FAM193A: variants seen among roughly 807,000 people sequenced by gnomAD.
The protein encoded by FAM193A is protein FAM193A.
A neutral mutation model predicts 126.5 loss-of-function variants in FAM193A; 22 were observed. The ratio of observed to expected loss-of-function variants is 0.17; its 90% CI spans 0.12 to 0.25. FAM193A has a LOEUF of 0.25. Ranked by LOEUF, FAM193A falls within the 10% of genes least tolerant of loss-of-function variation. FAM193A has a pLI of 1.00. For missense variants in FAM193A, 1,675 were observed against 1,672.8 expected (o/e 1.00, Z -0.02); for synonymous variants, 761 against 646.8 (o/e 1.18, Z -2.68).
chr4:2,631,631 G>GC (rs1743598510), intron 5 of FAM193A, among the ~76,000 whole-genome samples: 1 of 152,222 alleles, frequency 6.6e-6, no homozygotes, highest in African/African-American at 2.4e-5. Context: ...ATTCATTCAT[G>GC]CAGGCATGCA....
In FAM193A at chr4:2,629,271, G is replaced by A. The variant is rs530553811; in HGVS notation, c.804-1664G>A. 5.3e-4 allele frequency among the ~76,000 whole-genome samples: 81 copies of A among 151,896 alleles called. 1 individual carries two copies. The highest frequency in any genetic ancestry group is 1.5e-4 in the Non-Finnish European group (10 of 67,992). On this transcript the variant is annotated intron_variant, in intron 4 of 20. Transcript: ENST00000637812. ...ACATGCTAAGAGAACAGTGACGTGG[G>A]TGTCCAGTCTGCTTCTAAGTTTGGT...
At chr4:2,574,012 T>C (rs1037142232) in intron 1 of FAM193A, among the ~76,000 whole-genome samples, 4 of 152,142 alleles carry the variant, frequency 2.6e-5, no homozygotes, top group Non-Finnish European at 1.5e-5. Context: ...GGGACAAATA[T>C]GAAAGATTTT....
chr4:2,572,777 A>AT (rs533532132), intron 1 of FAM193A, among the ~76,000 whole-genome samples: 50,584 of 135,682 alleles, frequency 0.37, 10,156 homozygotes, highest in Non-Finnish European at 0.46. Context: ...CAGAGGAGGA[A>AT]TTTTTTTTTT....
chr4:2,576,732 C>T (rs1448481863), intron 1 of FAM193A, among the ~76,000 whole-genome samples: 1 of 152,216 alleles, frequency 6.6e-6, no homozygotes, highest in Non-Finnish European at 1.5e-5. Flanking sequence ...GCTTATCAGA[C>T]ACTGTTCTAA....
chr4:2,569,393 A>C (rs1442148413), intron 1 of FAM193A, among the ~76,000 whole-genome samples: 1 of 152,228 alleles, frequency 6.6e-6, no homozygotes, highest in African/African-American at 2.4e-5. Flanking sequence ...TAGCAGTAAT[A>C]CAAAAGCAGC....
chr4:2,639,613 G>T, intron 5 of FAM193A, 122 bp from the exon 6 acceptor site: 1 of 683,868 alleles, frequency 1.5e-6, no homozygotes, highest in Non-Finnish European at 2.4e-6. Flanking sequence ...CTCTGGGCCT[G>T]TGAAGAGGGA....
intron 1 of FAM193A, among the ~76,000 whole-genome samples, chr4:2,582,241 C>T (rs1169103914): frequency 6.6e-6 from 1 of 151,940 alleles, no homozygotes; most frequent in East Asian, 1.9e-4. Context: ...GCAGCTTCGA[C>T]CTCCCAGGCT....
At position 2,598,162 on chromosome 4, in the gene FAM193A, G is replaced by T. The variant is rs187861087; in HGVS notation, c.501+1833G>T. Among the ~76,000 whole-genome samples, 8 of 152,268 alleles carry T rather than the reference G, an allele frequency of 5.3e-5. No homozygotes were observed. The East Asian group carries it at 1.4e-3, about 26-fold the overall frequency. The stretch of plus-strand genomic sequence containing the variant: ...CCCGCCTCTGCCTTCCATAGTGCTG[G>T]GATTATAGGCATGAGCCACCGCGCC... On this transcript the variant is annotated intron_variant, in intron 2 of 20. Transcript: ENST00000637812.
At chr4:2,669,355 G>A (rs1053674328) in intron 12 of FAM193A, among the ~76,000 whole-genome samples, 2 of 151,926 alleles carry the variant, frequency 1.3e-5, no homozygotes, top group African/African-American at 4.8e-5. Context: ...GGTGTCTCAC[G>A]CCCAGCACTT....
chr4:2,699,531 T>G, intron 18 of FAM193A, 149 bp from the exon 19 acceptor site: 1 of 578,442 alleles, frequency 1.7e-6, no homozygotes, highest in Admixed American at 3.7e-5. Flanking sequence ...GAATTGGAGG[T>G]GGGTGTGTGT....
At chr4:2,630,131 CA>C (rs34488841) in intron 4 of FAM193A, among the ~76,000 whole-genome samples, 13,123 of 107,850 alleles carry the variant, frequency 0.12, 1,064 homozygotes, top group African/African-American at 0.29. Flanking sequence ...GACTCCATCT[CA>C]AAAAAAAAAA....
At chr4:2,691,029 T>TCTCGTCTTTGTAA in intron 15 of FAM193A, 59 bp downstream of exon 15, 1 of 1,496,622 alleles carries the variant, frequency 6.7e-7, no homozygotes, top group Non-Finnish European at 9.1e-7. Flanking sequence ...CTTACTGACT[T>TCTCGTCTTTGTAA]CTCGTCTTTG....
At chr4:2,642,198 G>C (rs1161977988) in intron 6 of FAM193A, among the ~76,000 whole-genome samples, 1 of 151,986 alleles carries the variant, frequency 6.6e-6, no homozygotes, top group Admixed American at 6.6e-5. Context: ...CAGCTACCCG[G>C]GAGGCTGAGG....
chr4:2,697,249 A>C (rs1203790997), intron 18 of FAM193A, among the ~76,000 whole-genome samples: 1 of 152,174 alleles, frequency 6.6e-6, no homozygotes. Flanking sequence ...CCAGCTACTC[A>C]GGAGGCTCAG....
At chr4:2,696,293 G>A (rs1717027082) in intron 17 of FAM193A, 70 bp from the exon 18 acceptor site, 2 of 967,962 alleles carry the variant, frequency 2.1e-6, no homozygotes, top group Non-Finnish European at 3.2e-6. Context: ...TTTATTTTTG[G>A]AGGTGTGGTC....
chr4:2,710,072 C>T (rs1178294857), intron 19 of FAM193A, among the ~76,000 whole-genome samples: 2 of 151,492 alleles, frequency 1.3e-5, no homozygotes, highest in Admixed American at 6.6e-5. Context: ...TTTCCTTTCT[C>T]CCTATTTTGC....
In FAM193A at chr4:2,700,054, G is replaced by A. The variant is rs1447742310; in HGVS notation, c.3882G>A (p.Gly1294=). 1 of 1,613,846 alleles carries A rather than the reference G, an allele frequency of 6.2e-7. No homozygotes were observed. Among genetic ancestry groups the A allele is most frequent in the Admixed American group, 1.7e-5 (1 of 59,974 alleles). Residue 1294 remains glycine (G), a synonymous_variant, in exon 19 of 21, where the codon GGG becomes GGA. Transcript: ENST00000637812. ...SEPRPGLGAD[G]DAADPVDTRD... Reference sequence around the variant, plus strand: ...CCAGGCCAGGGCTAGGGGCTGATGGGGATGCTGCAGACCCCGTCGACACCA... The same window carrying A: ...CCAGGCCAGGGCTAGGGGCTGATGGAGATGCTGCAGACCCCGTCGACACCA...
intron 1 of FAM193A, among the ~76,000 whole-genome samples, chr4:2,558,731 T>G (rs1192551111): frequency 6.6e-6 from 1 of 152,178 alleles, no homozygotes; most frequent in Non-Finnish European, 1.5e-5. Context: ...CTGGGTGCAG[T>G]GGCTCACGCC....
At chr4:2,631,580 A>C (rs1156729929) in intron 5 of FAM193A, among the ~76,000 whole-genome samples, 1 of 152,210 alleles carries the variant, frequency 6.6e-6, no homozygotes, top group Non-Finnish European at 1.5e-5. Flanking sequence ...GAAGAGCATG[A>C]AGGCTGTAGA....
Sources: gnomAD v4.1 joint callset for allele counts (sites outside exome capture counted in the v4.1 genomes callset) on GRCh38, gnomAD v4.1.1 for gene constraint, MANE v1.5 for transcripts, NCBI Gene and HGNC (gene_info 2026-07-23, HGNC 2026-07-21) for gene names.